The following ANKRD13C variants were observed in gnomAD, a reference collection of about 807,000 sequenced individuals.
The protein encoded by ANKRD13C is ankyrin repeat domain-containing protein 13C.
ANKRD13C carries 16 observed loss-of-function variants against 65.5 expected under a neutral mutation model. That is an observed-to-expected ratio of 0.24 (90% confidence interval 0.17 to 0.37). The LOEUF is 0.37. ANKRD13C is among the 10% of genes least tolerant of loss of function. The pLI is 1.00. For missense variants in ANKRD13C, 503 were observed against 655.9 expected, an observed-to-expected ratio of 0.77 and a Z score of 2.55; for synonymous variants, 235 against 238.7, an observed-to-expected ratio of 0.98 and a Z score of 0.14.
chr1:70,302,546 G>GA (rs1343944115), intron 6 of ANKRD13C, among the ~76,000 whole-genome samples: 1 of 117,442 alleles, frequency 8.5e-6, no homozygotes, highest in Non-Finnish European at 1.7e-5. Flanking sequence ...CTAAAACGGT[G>GA]AAACCCCGTC....
rs1317495356 is a variant in ANKRD13C, at chr1:70,263,932, C to G, written c.1496-1085G>C. On this transcript the variant is annotated intron_variant, in intron 12 of 12. Coordinates refer to ENST00000370944, the MANE Select transcript of ANKRD13C (RefSeq NM_030816.5). Reference sequence around the variant, plus strand: ...GTATTTTATTGCAGAAAGTTATGTTCTTATGTAAAAAGGAAAACAAAATAC... The same window carrying G: ...GTATTTTATTGCAGAAAGTTATGTTGTTATGTAAAAAGGAAAACAAAATAC... Among the ~76,000 whole-genome samples, 3 of 152,108 alleles carry G rather than the reference C, an allele frequency of 2.0e-5. No homozygotes were observed. The South Asian group carries it at 6.2e-4, about 31-fold the overall frequency.
At chr1:70,339,931 C>T (rs1437611435) in intron 1 of ANKRD13C, among the ~76,000 whole-genome samples, 2 of 150,930 alleles carry the variant, frequency 1.3e-5, no homozygotes, top group African/African-American at 4.9e-5. Flanking sequence ...CTCACTGCAG[C>T]CTCAACCTTC....
chr1:70,347,480 A>T (rs1429501977), intron 1 of ANKRD13C, among the ~76,000 whole-genome samples: 1 of 152,158 alleles, frequency 6.6e-6, no homozygotes, highest in Non-Finnish European at 1.5e-5. Flanking sequence ...GATGCCCAGG[A>T]CCCAACATCA....
chr1:70,338,867 T>C (rs1021822134), intron 1 of ANKRD13C, among the ~76,000 whole-genome samples: 1 of 152,222 alleles, frequency 6.6e-6, no homozygotes, highest in Non-Finnish European at 1.5e-5. Flanking sequence ...TAAGGTCCTC[T>C]TCCTTCTTTT....
At chr1:70,281,027 A>C (rs1162997390) in intron 9 of ANKRD13C, among the ~76,000 whole-genome samples, 1 of 152,082 alleles carries the variant, frequency 6.6e-6, no homozygotes, top group Non-Finnish European at 1.5e-5. Flanking sequence ...GCTGGGGTAA[A>C]TAAGGAGATA....
rs35526526 is a variant in ANKRD13C at position 70,309,047 on chromosome 1, CT to C, written c.710-2758del. Reference sequence around the variant, plus strand: ...CTTACTCCCCAATTTTCTTTCTTTCCTTTTTTTTTTTTTTAGACAGAGTGTC... The same window carrying C: ...CTTACTCCCCAATTTTCTTTCTTTCCTTTTTTTTTTTTTAGACAGAGTGTC... On this transcript the variant is annotated intron_variant, in intron 5 of 12. Transcript: ENST00000370944. Among the ~76,000 whole-genome samples, 651 of 137,804 alleles carry C rather than the reference CT, an allele frequency of 4.7e-3. 1 individual carries two copies. Among genetic ancestry groups the C allele is most frequent in the African/African-American group, 6.8e-3 (257 of 37,952 alleles). 90.4% of individuals were successfully genotyped at this position (137,804 alleles called of 152,430 possible).
chr1:70,340,741 T>A (rs756950628), intron 1 of ANKRD13C, among the ~76,000 whole-genome samples: 1 of 152,148 alleles, frequency 6.6e-6, no homozygotes, highest in African/African-American at 2.4e-5. Flanking sequence ...AACTTAAAAT[T>A]TTCATAGATT....
rs956979384 is a variant in ANKRD13C, at chr1:70,329,046, C to A, written c.473-4089G>T. Among the ~76,000 whole-genome samples the A allele has an allele frequency of 3.3e-5, 5 of 149,710 alleles. No homozygotes were observed. In the South Asian group the frequency reaches 1.1e-3, roughly 32 times the overall value. On this transcript the variant is annotated intron_variant, in intron 2 of 12. Coordinates refer to ENST00000370944, the MANE Select transcript of ANKRD13C (RefSeq NM_030816.5). ...TGGCAAATTACTATCTGTAGGGATT[C>A]TACTTCCATGAAAACAAACAAAGTC...
chr1:70,325,655 G>T (rs1681502097), intron 2 of ANKRD13C, among the ~76,000 whole-genome samples: 1 of 152,146 alleles, frequency 6.6e-6, no homozygotes, highest in Non-Finnish European at 1.5e-5. Context: ...AAGGCGGGCA[G>T]ATCACGAGGT....
Position 70,302,643 on chromosome 1 carries a change from G to C in ANKRD13C, c.777-1735C>G, listed in dbSNP as rs887122776. Among the ~76,000 whole-genome samples, 3 of 126,226 alleles carry C rather than the reference G, an allele frequency of 2.4e-5. 1 individual carries two copies. The highest frequency in any genetic ancestry group is 9.4e-5 in the African/African-American group (3 of 31,754). 82.8% of individuals were successfully genotyped at this position (126,226 alleles called of 152,430 possible). On this transcript the variant is annotated intron_variant, in intron 6 of 12. Transcript: ENST00000370944. ...TGGGAGGCTGAGGCGGGAGAATGGC[G>C]TGAACCCGGGAGGCGGAGCTTGCAG...
chr1:70,309,834 G>A (rs930489461), intron 5 of ANKRD13C, among the ~76,000 whole-genome samples: 1 of 151,470 alleles, frequency 6.6e-6, no homozygotes, highest in Non-Finnish European at 1.5e-5. Context: ...TAGTTAAAAC[G>A]TGCTATATGC....
At chr1:70,299,182 AGT>A (rs1465309882) in intron 7 of ANKRD13C, among the ~76,000 whole-genome samples, 4 of 152,184 alleles carry the variant, frequency 2.6e-5, no homozygotes, top group Non-Finnish European at 5.9e-5. Context: ...CATTCCAGGA[AGT>A]GGAAAGAACA....
intron 9 of ANKRD13C, among the ~76,000 whole-genome samples, chr1:70,283,992 G>T (rs1265904795): frequency 6.6e-6 from 1 of 152,028 alleles, no homozygotes; most frequent in Non-Finnish European, 1.5e-5. Flanking sequence ...AAGTACCCAT[G>T]ATTTAAGAAT....
chr1:70,286,395 TAAC>T (rs1260764547), intron 9 of ANKRD13C, among the ~76,000 whole-genome samples: 7 of 152,012 alleles, frequency 4.6e-5, no homozygotes, highest in Admixed American at 2.0e-4. Context: ...TGCTGACAAA[TAAC>T]AACAAAATCT....
At chr1:70,317,559 C>G (rs1681124425) in intron 3 of ANKRD13C, among the ~76,000 whole-genome samples, 1 of 151,966 alleles carries the variant, frequency 6.6e-6, no homozygotes, top group South Asian at 2.1e-4. Context: ...CTATATCAAT[C>G]ACCAGTAAAA....
chr1:70,270,939 T>C lies in ANKRD13C; in HGVS notation c.1412A>G (p.Glu471Gly). The C allele has an allele frequency of 6.2e-7, 1 of 1,606,854 alleles. No individual in the cohort carries two copies. The highest frequency in any genetic ancestry group is 8.5e-7 in the Non-Finnish European group (1 of 1,175,016). The change falls in exon 12 of 13, where the codon GAA becomes GGA. Residue 471 changes from glutamate to glycine, a missense_variant. Glu to Gly is a moderately conservative substitution (Grantham distance 98). Around this residue, in one of 2 missense-constraint regions of ANKRD13C, gnomAD observed 300 missense variants for 478.3 expected, o/e 0.63. Transcript: ENST00000370944. ...LGIELLLNVL[E>G]VVAPFKHFNK... ...AAAGTGCTTGAAGGGAGCTACTACTTCTAAAACATTCAATAATCTGAAAAA... is the reference window on the plus strand; with the variant it reads ...AAAGTGCTTGAAGGGAGCTACTACTCCTAAAACATTCAATAATCTGAAAAA...
intron 2 of ANKRD13C, among the ~76,000 whole-genome samples, chr1:70,330,083 C>T (rs1042032629): frequency 8.1e-5 from 12 of 147,388 alleles, no homozygotes; most frequent in African/African-American, 2.5e-4. Flanking sequence ...GGCGATATTC[C>T]GTCTCAAAAA....
intron 5 of ANKRD13C, among the ~76,000 whole-genome samples, chr1:70,310,736 G>C (rs1449681225): frequency 6.6e-6 from 1 of 152,090 alleles, no homozygotes; most frequent in Non-Finnish European, 1.5e-5. Context: ...ATTACTAAGA[G>C]AATCAGTTAA....
chr1:70,265,784 C>T (rs371380242), intron 12 of ANKRD13C, among the ~76,000 whole-genome samples: 1 of 132,578 alleles, frequency 7.5e-6, no homozygotes, highest in Admixed American at 8.2e-5. Flanking sequence ...GAGATCATGC[C>T]ACTGCATTCT....
Sources: allele counts gnomAD v4.1 joint callset (sites outside exome capture counted in the v4.1 genomes callset), GRCh38; gene constraint gnomAD v4.1.1; regional missense constraint gnomAD v4.1.1; transcripts MANE v1.5; gene names NCBI Gene and HGNC (gene_info 2026-07-23, HGNC 2026-07-21).